IGFBPL1: variants seen among roughly 807,000 people sequenced by gnomAD.
IGFBPL1 encodes insulin like growth factor binding protein like 1.
Under a neutral mutation model 23.9 loss-of-function variants are expected in IGFBPL1, and 20 were observed. The ratio of observed to expected loss-of-function variants is 0.84; its 90% CI spans 0.59 to 1.22. The LOEUF (loss-of-function observed/expected upper bound fraction) is 1.22. Among genes scored for constraint, IGFBPL1 ranks in the 50% most tolerant of loss-of-function variants. The probability of loss-of-function intolerance (pLI) is 0.00; values close to 1 mark genes in which losing one functional copy is unlikely to be tolerated. For synonymous variants in IGFBPL1, 184 were observed against 171.8 expected, an observed-to-expected ratio of 1.07 and a Z score of -0.56; for missense variants, 436 against 379.3, an observed-to-expected ratio of 1.15 and a Z score of -1.24.
At chr9:38,414,278 C>T (rs1025806796) in intron 1 of IGFBPL1, 75 bp from the exon 2 acceptor site, 16 of 806,572 alleles carry the variant, frequency 2.0e-5, no homozygotes, top group East Asian at 5.1e-5. Flanking sequence ...ATTCCCCTGC[C>T]GCGGAGAGCC....
chr9:38,424,353 C>T lies in IGFBPL1; in HGVS notation c.72G>A (p.Pro24=). ...CGCCCACGTCGCGGATCCCAAGGCT[C>T]GGGGACAGCGGCGGCAGCAGCGGCA... ...LLLPLLPPLS[P]SLGIRDVGGR... The change falls in exon 1 of 5, where the codon CCG becomes CCA. Residue 24 remains proline, a synonymous_variant. Transcript: ENST00000377694. The T allele has an allele frequency of 1.2e-6, 1 of 817,088 alleles. No individual in the cohort carries two copies. The highest frequency in any genetic ancestry group is 1.6e-5 in the South Asian group (1 of 61,516). 50.6% of individuals were successfully genotyped at this position (817,088 alleles called of 1,614,324 possible).
At position 38,424,028 on chromosome 9, in the gene IGFBPL1, G is replaced by A; in HGVS notation, c.397C>T (p.Arg133Trp). ...CCGGGGTGCGCGCGGGGCGTGTGCC[G>A]AGCGCGCAGGCGCAGCGCGCAGACG... ...PSVCALRLRA[R>W]HTPRAHPGHL... The change falls in exon 1 of 5, where the codon CGG becomes TGG. Residue 133 changes from arginine (R) to tryptophan (W), a missense_variant. By Grantham distance (101) the Arg-to-Trp change is moderately radical. Coordinates refer to ENST00000377694, the MANE Select transcript of IGFBPL1 (RefSeq NM_001007563.3). The A allele has an allele frequency of 7.1e-7, 1 of 1,403,208 alleles. No individual in the cohort carries two copies. Among genetic ancestry groups the A allele is most frequent in the Non-Finnish European group, 9.2e-7 (1 of 1,088,350 alleles). The allele number at this position is 1,403,208 out of a possible 1,614,324, so 86.9% of individuals were successfully genotyped here.
At chr9:38,411,952 C>G (rs1369891305) in intron 3 of IGFBPL1, among the ~76,000 whole-genome samples, 1 of 152,170 alleles carries the variant, frequency 6.6e-6, no homozygotes, top group Non-Finnish European at 1.5e-5. Flanking sequence ...CCAGAGATAA[C>G]CTCTTTTCCC....
At chr9:38,412,878 TA>T (rs1325403079) in intron 3 of IGFBPL1, among the ~76,000 whole-genome samples, 13 of 152,170 alleles carry the variant, frequency 8.5e-5, no homozygotes, top group African/African-American at 3.1e-4. Flanking sequence ...CTTCCACACT[TA>T]AAGACCCACC....
Position 38,424,151 on chromosome 9 carries a change from C to T in IGFBPL1, c.274G>A (p.Ala92Thr). Residue 92 changes from alanine to threonine, a missense_variant, in exon 1 of 5, where the codon GCG becomes ACG. Transcript: ENST00000377694. Reference sequence around the variant, plus strand: ...GGCGCTGCCCCAGCGGCCTGGCTCGCGCATACCAGGCCGGGGCCACAGCGC... The same window carrying T: ...GGCGCTGCCCCAGCGGCCTGGCTCGTGCATACCAGGCCGGGGCCACAGCGC... Reference protein sequence around the residue: ...GGRCGPGLVCASQAAGAAPEG... With the variant: ...GGRCGPGLVCTSQAAGAAPEG... 6 of 1,217,240 alleles carry T rather than the reference C, an allele frequency of 4.9e-6. No homozygotes were observed. Among genetic ancestry groups the T allele is most frequent in the Non-Finnish European group, 6.1e-6 (6 of 978,668 alleles). The allele number at this position is 1,217,240 out of a possible 1,614,324, so 75.4% of individuals were successfully genotyped here.
chr9:38,413,634 G>A (rs1179615041), intron 2 of IGFBPL1, among the ~76,000 whole-genome samples: 3 of 152,176 alleles, frequency 2.0e-5, no homozygotes, highest in Non-Finnish European at 4.4e-5. Flanking sequence ...TTGACATTAA[G>A]GGGACAACAT....
intron 1 of IGFBPL1, among the ~76,000 whole-genome samples, chr9:38,418,064 A>G (rs1821625322): frequency 6.6e-6 from 1 of 152,204 alleles, no homozygotes; most frequent in South Asian, 2.1e-4. Context: ...TTTCTATACA[A>G]CAATGAAACA....
chr9:38,422,368 G>T (rs1821691642), intron 1 of IGFBPL1, among the ~76,000 whole-genome samples: 1 of 152,226 alleles, frequency 6.6e-6, no homozygotes. Context: ...TTTATAGTCT[G>T]AGGACCTGGT....
chr9:38,414,194 AC>A lies in IGFBPL1; in HGVS notation c.469del (p.Val157SerfsTer22). On this transcript the variant is annotated frameshift_variant, in exon 2 of 5. Transcript: ENST00000377694. LOFTEE classifies it high-confidence loss of function. The stretch of plus-strand genomic sequence containing the variant: ...GTGAACACTTCGGGGAGGAACGACG[AC>A]CACAGGAGCTAGGAGGAGGAGACAA... ...RDGPCEFAPV[V>X]VVPPRSVHNV... is the part of the protein sequence containing the mutation. 6.3e-7 allele frequency: 1 copy of A among 1,599,588 alleles called. No individual in the cohort carries two copies.
intron 1 of IGFBPL1, among the ~76,000 whole-genome samples, chr9:38,423,656 CCTT>C (rs1179138664): frequency 6.6e-6 from 1 of 152,180 alleles, no homozygotes; most frequent in Non-Finnish European, 1.5e-5. Context: ...GGATCCCCCT[CCTT>C]AACTCCCAGT....
intron 1 of IGFBPL1, 116 bp downstream of exon 1, chr9:38,423,849 G>A (rs1821716642): frequency 3.9e-6 from 4 of 1,021,400 alleles, no homozygotes; most frequent in South Asian, 3.7e-5. Flanking sequence ...CTCCCTAAGG[G>A]GAAACTGAGT....
chr9:38,416,669 G>A (rs866049326), intron 1 of IGFBPL1, among the ~76,000 whole-genome samples: 20 of 121,216 alleles, frequency 1.6e-4, no homozygotes, highest in African/African-American at 6.3e-4. Flanking sequence ...ATAATAATCC[G>A]GTTCTAATTT....
At chr9:38,423,847 G>A in intron 1 of IGFBPL1, 118 bp downstream of exon 1, 1 of 1,003,038 alleles carries the variant, frequency 1.0e-6, no homozygotes, top group Non-Finnish European at 1.3e-6. Context: ...TGCTCCCTAA[G>A]GGGAAACTGA....
chr9:38,414,317 G>C (rs1011983394), intron 1 of IGFBPL1, 114 bp from the exon 2 acceptor site: 21 of 622,580 alleles, frequency 3.4e-5, no homozygotes, highest in African/African-American at 1.1e-4. Flanking sequence ...TGAGGGGAGC[G>C]GCACATCACG....
rs1821444128 is a variant in IGFBPL1, at chr9:38,407,504, C to T, written c.*1723G>A. Among the ~76,000 whole-genome samples the T allele has an allele frequency of 6.6e-6, 1 of 152,246 alleles. No individual in the cohort carries two copies. Among genetic ancestry groups the T allele is most frequent in the African/African-American group, 2.4e-5 (1 of 41,464 alleles). ...GGCAGGCTTACAGGCGGAAAGTTCA[C>T]TTCCAACAAGGACTCCAAAATGTAA... On this transcript the variant is annotated 3_prime_UTR_variant, in exon 5 of 5. Coordinates refer to ENST00000377694, the MANE Select transcript of IGFBPL1 (RefSeq NM_001007563.3).
intron 4 of IGFBPL1, among the ~76,000 whole-genome samples, chr9:38,409,746 C>T (rs1821483425): frequency 6.6e-6 from 1 of 152,196 alleles, no homozygotes; most frequent in African/African-American, 2.4e-5. Flanking sequence ...ACCCAATCTC[C>T]TAACTCTTTG....
chr9:38,424,305 C>G lies in IGFBPL1; in HGVS notation c.120G>C (p.Pro40=). 7.9e-7 allele frequency: 1 copy of G among 1,264,174 alleles called. No individual in the cohort carries two copies. The highest frequency in any genetic ancestry group is 1.6e-5 in the African/African-American group (1 of 63,962). 78.3% of individuals were successfully genotyped at this position (1,264,174 alleles called of 1,614,324 possible). ...DVGGRRPKCG[P]CRPEGCPAPA... is the part of the protein sequence containing the mutation. ...GCGCCGGGCAGCCCTCTGGCCGGCA[C>G]GGACCACACTTGGGGCGCCGGCCGC... The change falls in exon 1 of 5, where the codon CCG becomes CCC. Residue 40 remains proline, a synonymous_variant. Transcript: ENST00000377694.
At chr9:38,416,353 C>T (rs891434101) in intron 1 of IGFBPL1, among the ~76,000 whole-genome samples, 6 of 152,202 alleles carry the variant, frequency 3.9e-5, no homozygotes, top group African/African-American at 1.2e-4. Context: ...GTCTGTCTCT[C>T]TAACAACTAC....
In IGFBPL1 at chr9:38,424,315, T is replaced by C. The variant is rs1297536292; in HGVS notation, c.110A>G (p.Lys37Arg). The change falls in exon 1 of 5, where the codon AAG (lysine) becomes AGG (arginine). Residue 37 changes from lysine (K) to arginine (R), a missense_variant. Coordinates refer to ENST00000377694, the MANE Select transcript of IGFBPL1 (RefSeq NM_001007563.3). ...GIRDVGGRRP[K>R]CGPCRPEGCP... ...GCCCTCTGGCCGGCACGGACCACAC[T>C]TGGGGCGCCGGCCGCCCACGTCGCG... 3.3e-6 allele frequency: 4 copies of C among 1,227,220 alleles called. No homozygotes were observed. The highest frequency in any genetic ancestry group is 3.1e-5 in the South Asian group (2 of 64,504). The allele number at this position is 1,227,220 out of a possible 1,614,324, so 76.0% of individuals were successfully genotyped here. A position where few individuals can be genotyped will look rare whatever the true frequency, so the allele number is the denominator to read the frequency against.
Sources: allele counts gnomAD v4.1 joint callset (sites outside exome capture counted in the v4.1 genomes callset), GRCh38; gene constraint gnomAD v4.1.1; transcripts MANE v1.5; gene names NCBI Gene and HGNC (gene_info 2026-07-23, HGNC 2026-07-21).